NUDT12: variants seen among roughly 807,000 people sequenced by gnomAD.
NUDT12 encodes nudix hydrolase 12, also known as NAD-capped RNA hydrolase NUDT12.
Under a neutral mutation model 45.7 loss-of-function variants are expected in NUDT12, and 42 were observed. That is an observed-to-expected ratio of 0.92 (90% CI 0.72 to 1.19). The LOEUF (loss-of-function observed/expected upper bound fraction) is 1.19, where lower values mean the gene tolerates loss of function less well. NUDT12 is among the 50% of genes most tolerant of loss of function. The probability of loss-of-function intolerance (pLI) is 0.00; values close to 1 mark genes in which losing one functional copy is unlikely to be tolerated. For missense variants in NUDT12, 590 were observed against 533.1 expected, an observed-to-expected ratio of 1.11 and a Z score of -1.05; for synonymous variants, 206 against 179.7, an observed-to-expected ratio of 1.15 and a Z score of -1.17.
At position 103,549,975 on chromosome 5, in the gene NUDT12, T is replaced by C. The variant is rs1748600571; in HGVS notation, c.*886A>G. 6.6e-6 allele frequency: 1 copy of C among 152,150 alleles called. No individual in the cohort carries two copies. The highest frequency in any genetic ancestry group is 6.6e-5 in the Admixed American group (1 of 15,254). 9.4% of individuals were successfully genotyped at this position (152,150 alleles called of 1,614,324 possible). A position where few individuals can be genotyped will look rare whatever the true frequency, so the allele number is the denominator to read the frequency against. On this transcript the variant is annotated 3_prime_UTR_variant, in exon 7 of 7. Transcript: ENST00000230792. ...TTTGTTAACACAGATACATCACTCA[T>C]CACAAAATGAAATAAAGCCAATGTT...
chr5:103,560,283 G>C (rs1253588167), intron 1 of NUDT12, 29 bp from the exon 2 acceptor site: 3 of 1,452,010 alleles, frequency 2.1e-6, no homozygotes, highest in South Asian at 2.3e-5. Flanking sequence ...AGGGGAAAAA[G>C]CTTATTTGCA....
rs115744146 is a variant in NUDT12 at position 103,555,070 on chromosome 5, C to T, written c.965-217G>A. On this transcript the variant is annotated intron_variant, in intron 4 of 6. Coordinates refer to ENST00000230792, the MANE Select transcript of NUDT12 (RefSeq NM_031438.4). ...ATAGTGTCAGTAAGCTAAAGGAAGA[C>T]CATTTTTGTCCTTCTTCCCCCAATC... is the stretch of plus-strand genomic sequence containing the variant. Among the ~76,000 whole-genome samples, 408 of 152,050 alleles carry T rather than the reference C, an allele frequency of 2.7e-3. 4 individuals carry two copies. Among genetic ancestry groups the T allele is most frequent in the African/African-American group, 9.5e-3 (395 of 41,528 alleles).
In NUDT12 at chr5:103,550,083, C is replaced by A. The variant is rs1748604576; in HGVS notation, c.*778G>T. 6.6e-6 allele frequency: 1 copy of A among 152,084 alleles called. No homozygotes were observed. Among genetic ancestry groups the A allele is most frequent in the Non-Finnish European group, 1.5e-5 (1 of 68,014 alleles). 9.4% of individuals were successfully genotyped at this position (152,084 alleles called of 1,614,324 possible). A position where few individuals can be genotyped will look rare whatever the true frequency, so the allele number is the denominator to read the frequency against. On this transcript the variant is annotated 3_prime_UTR_variant, in exon 7 of 7. Coordinates refer to ENST00000230792, the MANE Select transcript of NUDT12 (RefSeq NM_031438.4). ...ATTCCTTTCAAGTTTAATTTCAGTG[C>A]AAAAGCAGAGAATCTTGGTTTGTCT...
rs369061410 is a variant in NUDT12, at chr5:103,553,615, A to G, written c.1078+1125T>C. ...TCATAACACATGAGCTGGTCGTACT[A>G]CTCTATGTATATAACCTAGATAACT... On this transcript the variant is annotated intron_variant, in intron 5 of 6. Coordinates refer to ENST00000230792, the MANE Select transcript of NUDT12 (RefSeq NM_031438.4). 4.1e-4 allele frequency among the ~76,000 whole-genome samples: 62 copies of G among 152,210 alleles called. No individual in the cohort carries two copies. In the South Asian group the frequency reaches 0.01, roughly 25 times the overall value.
At chr5:103,553,330 G>C (rs968296488) in intron 5 of NUDT12, among the ~76,000 whole-genome samples, 1 of 151,882 alleles carries the variant, frequency 6.6e-6, no homozygotes, top group African/African-American at 2.4e-5. Context: ...CTAGGTAAAA[G>C]ATAAACATCT....
intron 4 of NUDT12, among the ~76,000 whole-genome samples, chr5:103,555,279 A>C (rs1748779139): frequency 6.6e-6 from 1 of 152,096 alleles, no homozygotes; most frequent in African/African-American, 2.4e-5. Context: ...ATGTGATTCT[A>C]TGATTAAAGT....
chr5:103,556,282 G>T (rs1413782524), intron 3 of NUDT12, among the ~76,000 whole-genome samples, 184 bp from the exon 4 acceptor site: 1 of 148,574 alleles, frequency 6.7e-6, no homozygotes, highest in Non-Finnish European at 1.5e-5. Context: ...ACAAAAATTA[G>T]ATTTTTTTGT....
chr5:103,551,938 A>G (rs1050436006), intron 6 of NUDT12, among the ~76,000 whole-genome samples: 1 of 152,168 alleles, frequency 6.6e-6, no homozygotes, highest in South Asian at 2.1e-4. Flanking sequence ...TTCTAAACCC[A>G]CTGATAGGTA....
chr5:103,562,287 T>C (rs762959896), intron 1 of NUDT12, among the ~76,000 whole-genome samples: 54 of 152,174 alleles, frequency 3.5e-4, no homozygotes, highest in Non-Finnish European at 5.6e-4. Flanking sequence ...CTGAAATCAC[T>C]GACCATCAAT....
At chr5:103,558,741 T>C in intron 3 of NUDT12, 138 bp downstream of exon 3, 1 of 603,024 alleles carries the variant, frequency 1.7e-6, no homozygotes, top group Admixed American at 3.3e-5. Context: ...GTGAGAACTT[T>C]AAGAAGTTTC....
intron 4 of NUDT12, among the ~76,000 whole-genome samples, chr5:103,555,551 AAG>A (rs1053877144): frequency 1.7e-4 from 26 of 152,038 alleles, no homozygotes; most frequent in Admixed American, 1.2e-3. Context: ...CAGCAATTAG[AAG>A]AGAGAATACA....
rs989625157 is a variant in NUDT12, at chr5:103,548,941, G to A, written c.*1920C>T. The A allele has an allele frequency of 2.6e-5, 4 of 152,016 alleles. No homozygotes were observed. The East Asian group carries it at 7.7e-4, about 29-fold the overall frequency. The allele number at this position is 152,016 out of a possible 1,614,324, so 9.4% of individuals were successfully genotyped here. On this transcript the variant is annotated 3_prime_UTR_variant, in exon 7 of 7. Transcript: ENST00000230792. ...ATCACATCTACTATTCTTTTGAACTGGCCATTCCTTCTATTTACATAGCTT... is the reference window on the plus strand; with the variant it reads ...ATCACATCTACTATTCTTTTGAACTAGCCATTCCTTCTATTTACATAGCTT...
chr5:103,549,268 T>C lies in NUDT12; in HGVS notation c.*1593A>G, dbSNP rs1472478135. On this transcript the variant is annotated 3_prime_UTR_variant, in exon 7 of 7. Coordinates refer to ENST00000230792, the MANE Select transcript of NUDT12 (RefSeq NM_031438.4). ...CTTATGTAGCTCGAATTTTATTATG[T>C]ATCTAAATGTCCTCTGTCAGTTTTA... 3 of 152,074 alleles carry C rather than the reference T, an allele frequency of 2.0e-5. No homozygotes were observed. The highest frequency in any genetic ancestry group is 7.2e-5 in the African/African-American group (3 of 41,458). 9.4% of individuals were successfully genotyped at this position (152,074 alleles called of 1,614,324 possible). A position where few individuals can be genotyped will look rare whatever the true frequency, so the allele number is the denominator to read the frequency against.
chr5:103,553,046 A>C (rs1748706837), intron 5 of NUDT12, among the ~76,000 whole-genome samples: 1 of 152,098 alleles, frequency 6.6e-6, no homozygotes, highest in Admixed American at 6.6e-5. Flanking sequence ...AAGTAAAATC[A>C]TTTCTAAGTA....
At chr5:103,556,985 C>T (rs1198102590) in intron 3 of NUDT12, among the ~76,000 whole-genome samples, 1 of 151,882 alleles carries the variant, frequency 6.6e-6, no homozygotes, top group Non-Finnish European at 1.5e-5. Context: ...GTAACTTACA[C>T]TAGGGTATTT....
intron 5 of NUDT12, among the ~76,000 whole-genome samples, chr5:103,553,621 T>C (rs1255084669): frequency 6.6e-6 from 1 of 152,096 alleles, no homozygotes; most frequent in Non-Finnish European, 1.5e-5. Flanking sequence ...TACTACTCTA[T>C]GTATATAACC....
At chr5:103,553,219 TGTAAG>T (rs1245791064) in intron 5 of NUDT12, among the ~76,000 whole-genome samples, 1 of 152,054 alleles carries the variant, frequency 6.6e-6, no homozygotes, top group Admixed American at 6.6e-5. Flanking sequence ...TATAGACTAG[TGTAAG>T]GTATTTGCAA....
In NUDT12 at chr5:103,559,303, T is replaced by C. The variant is rs769257852; in HGVS notation, c.372A>G (p.Thr124=). 1.2e-6 allele frequency: 2 copies of C among 1,612,476 alleles called. No individual in the cohort carries two copies. The highest frequency in any genetic ancestry group is 2.2e-5 in the South Asian group (2 of 90,598). Residue 124 remains threonine (T), a synonymous_variant, in exon 3 of 7, where the codon ACA becomes ACG. Coordinates refer to ENST00000230792, the MANE Select transcript of NUDT12 (RefSeq NM_031438.4). The part of the protein sequence containing the change: ...VEECENYFSK[T]LLDRKSEKRN... ...TCTTTTCACTTTTCCGGTCCAGTAGTGTTTTGCTAAAATAATTTTCACATT... is the reference window on the plus strand; with the variant it reads ...TCTTTTCACTTTTCCGGTCCAGTAGCGTTTTGCTAAAATAATTTTCACATT...
At chr5:103,559,729 C>A in intron 2 of NUDT12, 1 of 458,650 alleles carries the variant, frequency 2.2e-6, no homozygotes, top group Non-Finnish European at 3.8e-6. Flanking sequence ...AAGCTTTATG[C>A]ACTATAAAGA....
Sources: gnomAD v4.1 joint callset for allele counts (sites outside exome capture counted in the v4.1 genomes callset) on GRCh38, gnomAD v4.1.1 for gene constraint, MANE v1.5 for transcripts, NCBI Gene and HGNC (gene_info 2026-07-23, HGNC 2026-07-21) for gene names.